Variants in TRDN observed in about 807,000 individuals in gnomAD.
TRDN encodes triadin in skeletal muscle.
Under a neutral mutation model 149.7 loss-of-function variants are expected in TRDN, and 161 were observed. That is an observed-to-expected ratio of 1.08 (90% CI 0.95 to 1.23). The LOEUF is 1.23. Among genes scored for constraint, TRDN ranks in the 50% most tolerant of loss-of-function variants. The pLI is 0.00. For synonymous variants in TRDN, 294 were observed against 250.5 expected (o/e 1.17, Z -1.64); for missense variants, 896 against 823.5 (o/e 1.09, Z -1.08).
At chr6:123,409,859 T>C (rs947603839) in intron 12 of TRDN, among the ~76,000 whole-genome samples, 7 of 152,086 alleles carry the variant, frequency 4.6e-5, no homozygotes, top group Non-Finnish European at 7.4e-5. Context: ...TTTATGAAAG[T>C]AACAACTGGT....
At chr6:123,329,120 T>G (rs1476609049) in intron 23 of TRDN, among the ~76,000 whole-genome samples, 1 of 152,156 alleles carries the variant, frequency 6.6e-6, no homozygotes, top group Non-Finnish European at 1.5e-5. Flanking sequence ...TTGTCTCCAC[T>G]ACATGATTAC....
chr6:123,346,779 G>C (rs948129754), intron 21 of TRDN, among the ~76,000 whole-genome samples: 13 of 151,974 alleles, frequency 8.6e-5, no homozygotes, highest in Admixed American at 7.2e-4. Context: ...AAGGAAGATT[G>C]TGTGGAGTTC....
chr6:123,402,611 T>C (rs1383229058), intron 12 of TRDN, among the ~76,000 whole-genome samples: 1 of 152,188 alleles, frequency 6.6e-6, no homozygotes, highest in African/African-American at 2.4e-5. Context: ...TGAGCGCTAC[T>C]GCATTTTTGG....
intron 7 of TRDN, chr6:123,510,279 C>T (rs543216988): frequency 6.6e-6 from 1 of 152,048 alleles, no homozygotes; most frequent in South Asian, 2.1e-4. Context: ...ATATCTGCTT[C>T]AAATATCTCA....
At chr6:123,365,259 T>A (rs1781048222) in intron 20 of TRDN, among the ~76,000 whole-genome samples, 1 of 152,168 alleles carries the variant, frequency 6.6e-6, no homozygotes, top group Non-Finnish European at 1.5e-5. Context: ...CTAATTTTTG[T>A]TGCTTTCCCT....
At chr6:123,246,903 C>G (rs1274319096) in intron 38 of TRDN, among the ~76,000 whole-genome samples, 1 of 152,144 alleles carries the variant, frequency 6.6e-6, no homozygotes. Flanking sequence ...GTTTATCCAC[C>G]ACGATCAAGT....
chr6:123,397,892 G>T (rs933434516), intron 12 of TRDN, among the ~76,000 whole-genome samples: 1 of 152,158 alleles, frequency 6.6e-6, no homozygotes, highest in African/African-American at 2.4e-5. Flanking sequence ...ATTTTTTCAG[G>T]ATTCAAATTA....
chr6:123,293,084 G>A (rs906975983), intron 24 of TRDN, among the ~76,000 whole-genome samples: 1 of 152,076 alleles, frequency 6.6e-6, no homozygotes, highest in Non-Finnish European at 1.5e-5. Context: ...TATTGCATCA[G>A]GAAATCATCT....
intron 4 of TRDN, among the ~76,000 whole-genome samples, chr6:123,536,193 A>G (rs1462340419): frequency 6.6e-6 from 1 of 152,164 alleles, no homozygotes; most frequent in Non-Finnish European, 1.5e-5. Context: ...TGTCTCTCTC[A>G]CTAAATAACT....
intron 20 of TRDN, among the ~76,000 whole-genome samples, chr6:123,359,739 A>T (rs1258139532): frequency 2.0e-5 from 3 of 152,186 alleles, no homozygotes; most frequent in South Asian, 4.1e-4. Context: ...TCTGTCGCCC[A>T]GGCTGGAGTG....
chr6:123,607,535 C>T (rs568502412), intron 1 of TRDN, among the ~76,000 whole-genome samples: 3 of 152,154 alleles, frequency 2.0e-5, no homozygotes, highest in South Asian at 2.1e-4. Context: ...ATCAAACAAG[C>T]GTTTGGATAA....
intron 1 of TRDN, among the ~76,000 whole-genome samples, chr6:123,618,567 C>T (rs1203975694): frequency 6.6e-6 from 1 of 152,158 alleles, no homozygotes; most frequent in African/African-American, 2.4e-5. Context: ...GGGATTAGGA[C>T]ATGAATATTT....
chr6:123,304,903 C>CA (rs1171406175), intron 24 of TRDN, among the ~76,000 whole-genome samples: 2 of 151,644 alleles, frequency 1.3e-5, no homozygotes, highest in Non-Finnish European at 2.9e-5. Context: ...TTCCAGATTT[C>CA]AAAAAAAGTC....
At position 123,511,714 on chromosome 6, in the gene TRDN, G is replaced by C. The variant is rs188398081; in HGVS notation, c.610+589C>G. Among the ~76,000 whole-genome samples the C allele has an allele frequency of 2.8e-3, 429 of 152,132 alleles. 6 individuals carry two copies. The highest frequency in any genetic ancestry group is 9.7e-3 in the African/African-American group (404 of 41,504). On this transcript the variant is annotated intron_variant, in intron 7 of 40. Coordinates refer to ENST00000334268, the MANE Select transcript of TRDN (RefSeq NM_006073.4). Reference sequence around the variant, plus strand: ...ATGGCTCTACTGAATTCTCTGCTTAGGGCCCACGAGGCTGAAATCAAGTTG... The same window carrying C: ...ATGGCTCTACTGAATTCTCTGCTTACGGCCCACGAGGCTGAAATCAAGTTG...
Position 123,462,034 on chromosome 6 carries a change from A to G in TRDN, c.931+2872T>C, listed in dbSNP as rs573719610. The stretch of plus-strand genomic sequence containing the variant: ...TTCATTTTAAATTAGTTTCAGTTAT[A>G]TCCATAATTAAATACAAATTTACAA... On this transcript the variant is annotated intron_variant, in intron 10 of 40. Coordinates refer to ENST00000334268, the MANE Select transcript of TRDN (RefSeq NM_006073.4). Among the ~76,000 whole-genome samples the G allele has an allele frequency of 5.3e-5, 8 of 152,326 alleles. No individual in the cohort carries two copies. In the South Asian group the frequency reaches 6.2e-4, roughly 12 times the overall value.
chr6:123,490,880 G>A (rs1445005822), intron 9 of TRDN, among the ~76,000 whole-genome samples: 4 of 152,248 alleles, frequency 2.6e-5, no homozygotes, highest in Non-Finnish European at 5.9e-5. Context: ...CGAGGTGGGC[G>A]GATCACGAGG....
chr6:123,557,560 T>C (rs554251287), intron 2 of TRDN, among the ~76,000 whole-genome samples: 1 of 152,248 alleles, frequency 6.6e-6, no homozygotes, highest in Admixed American at 6.5e-5. Context: ...AGACGCATTT[T>C]ATCCATGAAC....
intron 12 of TRDN, among the ~76,000 whole-genome samples, chr6:123,420,926 C>T (rs572233351): frequency 6.6e-6 from 1 of 152,288 alleles, no homozygotes; most frequent in African/African-American, 2.4e-5. Flanking sequence ...ACAACTGAAC[C>T]AGCCAACTGA....
At position 123,272,962 on chromosome 6, in the gene TRDN, A is replaced by G. The variant is rs1056010521; in HGVS notation, c.1672+2T>C. 6.5e-7 allele frequency: 1 copy of G among 1,527,704 alleles called. No individual in the cohort carries two copies. Among genetic ancestry groups the G allele is most frequent in the Non-Finnish European group, 8.8e-7 (1 of 1,136,552 alleles). 94.6% of individuals were successfully genotyped at this position (1,527,704 alleles called of 1,614,324 possible). ...AGACTACAAATACCACCTGCAAAAT[A>G]CCTGGTTTACCATGAGAAACAGTCT... On this transcript the variant is annotated splice_donor_variant, in intron 29 of 40. Transcript: ENST00000334268. LOFTEE classifies it high-confidence loss of function.
Sources: allele counts gnomAD v4.1 joint callset (sites outside exome capture counted in the v4.1 genomes callset), GRCh38; gene constraint gnomAD v4.1.1; transcripts MANE v1.5; gene names NCBI Gene and HGNC (gene_info 2026-07-23, HGNC 2026-07-21).